The following GPR89A variants were observed in gnomAD, a reference collection of about 807,000 sequenced individuals.
GPR89A encodes the protein G protein-coupled receptor 89A.
In GPR89A, 16 loss-of-function variants were observed where a neutral mutation model predicts 52.0. The observed-to-expected ratio is 0.31, with a 90% CI of 0.21 to 0.47. The LOEUF (loss-of-function observed/expected upper bound fraction) is 0.47, where lower values mean the gene tolerates loss of function less well. GPR89A is among the 20% of genes least tolerant of loss of function. The pLI is 1.00. For synonymous variants in GPR89A, 55 were observed against 150.9 expected (o/e 0.36, Z 4.66); for missense variants, 135 against 449.4 (o/e 0.30, Z 6.33).
At chr1:145,636,696 T>G (rs1457541082) in intron 7 of GPR89A, among the ~76,000 whole-genome samples, 2 of 152,054 alleles carry the variant, frequency 1.3e-5, no homozygotes, top group Non-Finnish European at 2.9e-5. Context: ...TGGAAAGAAT[T>G]TAAGCAATTC....
At chr1:145,643,200 CTG>C (rs1553692021) in intron 7 of GPR89A, among the ~76,000 whole-genome samples, 1 of 151,984 alleles carries the variant, frequency 6.6e-6, no homozygotes, top group African/African-American at 2.4e-5. Context: ...GAGTCTCACT[CTG>C]TCACCTGGGC....
intron 7 of GPR89A, among the ~76,000 whole-genome samples, chr1:145,642,790 C>T (rs1375931253): frequency 6.6e-6 from 1 of 151,208 alleles, no homozygotes; most frequent in Admixed American, 6.6e-5. Flanking sequence ...TGCCTGTAGG[C>T]CTTGGCCCAT....
intron 10 of GPR89A, among the ~76,000 whole-genome samples, chr1:145,648,925 C>G (rs1178127980): frequency 6.6e-5 from 10 of 151,254 alleles, no homozygotes; most frequent in African/African-American, 2.4e-4. Context: ...CTGCCTTAGG[C>G]TCCCAAGTAG....
chr1:145,659,672 G>A (rs1247117762), intron 10 of GPR89A, among the ~76,000 whole-genome samples: 1 of 134,086 alleles, frequency 7.5e-6, no homozygotes, highest in Non-Finnish European at 1.6e-5. Context: ...TTTGGTTACT[G>A]TAGCCTTGTA....
intron 10 of GPR89A, among the ~76,000 whole-genome samples, chr1:145,655,274 C>G (rs1479511199): frequency 1.3e-5 from 2 of 152,104 alleles, no homozygotes; most frequent in Non-Finnish European, 2.9e-5. Context: ...TGTTACTGCC[C>G]AGCTTCTAAA....
intron 10 of GPR89A, among the ~76,000 whole-genome samples, chr1:145,658,142 T>A (rs1276741273): frequency 6.6e-6 from 1 of 151,878 alleles, no homozygotes; most frequent in African/African-American, 2.4e-5. Context: ...TATGATTGGC[T>A]TCTCTCATTT....
chr1:145,619,199 G>A (rs1648928882), intron 3 of GPR89A, among the ~76,000 whole-genome samples: 1 of 151,378 alleles, frequency 6.6e-6, no homozygotes, highest in Admixed American at 6.6e-5. Context: ...GACTTGTAGA[G>A]AGACTATACT....
intron 5 of GPR89A, among the ~76,000 whole-genome samples, chr1:145,629,851 T>C (rs1168384269): frequency 3.3e-5 from 5 of 152,112 alleles, no homozygotes; most frequent in African/African-American, 9.7e-5. Flanking sequence ...AAAAGGAATA[T>C]TGGAATTTTC....
chr1:145,669,493 C>T (rs1652817113), intron 12 of GPR89A, 132 bp from the exon 13 acceptor site: 1 of 697,334 alleles, frequency 1.4e-6, no homozygotes, highest in Non-Finnish European at 2.6e-6. Flanking sequence ...TAGTCTTAAT[C>T]ATATGAATTG....
chr1:145,615,989 T>C (rs1648660941), intron 1 of GPR89A, among the ~76,000 whole-genome samples: 1 of 151,420 alleles, frequency 6.6e-6, no homozygotes, highest in South Asian at 2.1e-4. Context: ...TGGCAAAATA[T>C]GTACTTCCAT....
rs147689241 is a variant in GPR89A, at chr1:145,668,741, G to A, written c.1096-884G>A. Among the ~76,000 whole-genome samples the A allele has an allele frequency of 6.5e-3, 989 of 152,174 alleles. 13 individuals carry two copies. Among genetic ancestry groups the A allele is most frequent in the African/African-American group, 0.022 (922 of 41,528 alleles). On this transcript the variant is annotated intron_variant, in intron 12 of 13. Coordinates refer to ENST00000313835, the MANE Select transcript of GPR89A (RefSeq NM_001097612.2). Reference sequence around the variant, plus strand: ...AATAGCTCTTACGATTTCGAGATACGTCCCATCAATACCTAATTTATTGAG... The same window carrying A: ...AATAGCTCTTACGATTTCGAGATACATCCCATCAATACCTAATTTATTGAG...
intron 10 of GPR89A, among the ~76,000 whole-genome samples, chr1:145,657,519 C>A (rs1553694733): frequency 6.6e-6 from 1 of 152,020 alleles, no homozygotes; most frequent in Non-Finnish European, 1.5e-5. Flanking sequence ...TTGAGAAGTA[C>A]TGCCACCTCT....
At chr1:145,628,355 C>T (rs1265156152) in intron 5 of GPR89A, among the ~76,000 whole-genome samples, 1 of 151,990 alleles carries the variant, frequency 6.6e-6, no homozygotes, top group Non-Finnish European at 1.5e-5. Flanking sequence ...GTTGTGGAAG[C>T]CAAGAAGATA....
rs1332298609 is a variant in GPR89A, at chr1:145,670,504, TTTA to T, written c.*469_*471del. On this transcript the variant is annotated 3_prime_UTR_variant, in exon 14 of 14. Coordinates refer to ENST00000313835, the MANE Select transcript of GPR89A (RefSeq NM_001097612.2). ...TCATTTTATCAAGCATAGCTTGGTA[TTTA>T]TTATGCTTGTGTGATCTAACATCAG... 2.0e-5 allele frequency: 5 copies of T among 250,770 alleles called. No individual in the cohort carries two copies. The highest frequency in any genetic ancestry group is 4.6e-5 in the African/African-American group (2 of 43,880). 15.5% of individuals were successfully genotyped at this position (250,770 alleles called of 1,614,324 possible).
rs587655095 is a variant in GPR89A at position 145,613,455 on chromosome 1, C to T, written c.43-2779C>T. Among the ~76,000 whole-genome samples, 12 of 152,230 alleles carry T rather than the reference C, an allele frequency of 7.9e-5. No homozygotes were observed. In the South Asian group the frequency reaches 8.3e-4, roughly 11 times the overall value. ...TGTTGTTTCCTTCAAGTGTGTCTTC[C>T]ATACAGCCACCATACCGCTCTATAT... On this transcript the variant is annotated intron_variant, in intron 1 of 13. Transcript: ENST00000313835.
At chr1:145,615,970 A>G (rs587747195) in intron 1 of GPR89A, among the ~76,000 whole-genome samples, 1 of 151,418 alleles carries the variant, frequency 6.6e-6, no homozygotes, top group Non-Finnish European at 1.5e-5. Context: ...AATGATTATC[A>G]TAAGATTATG....
At chr1:145,608,510 T>C in intron 1 of GPR89A, 1 of 708,610 alleles carries the variant, frequency 1.4e-6, no homozygotes. Context: ...GCTTCCGGGC[T>C]GCGCCAACTG....
chr1:145,667,704 G>C (rs1201308679), intron 12 of GPR89A, among the ~76,000 whole-genome samples: 16 of 151,750 alleles, frequency 1.1e-4, no homozygotes, highest in Non-Finnish European at 1.5e-5. Flanking sequence ...TATGGTTTTA[G>C]GTCTAACATT....
intron 1 of GPR89A, among the ~76,000 whole-genome samples, chr1:145,615,729 G>A (rs1277099582): frequency 4.8e-5 from 7 of 145,578 alleles, no homozygotes; most frequent in African/African-American, 1.5e-4. Context: ...AGATTCAAGC[G>A]ATTCTCATGC....
Sources: allele counts gnomAD v4.1 joint callset (sites outside exome capture counted in the v4.1 genomes callset), GRCh38; gene constraint gnomAD v4.1.1; transcripts MANE v1.5; gene names NCBI Gene and HGNC (gene_info 2026-07-23, HGNC 2026-07-21).